The following IL17RA variants were observed in gnomAD, a reference collection of about 807,000 sequenced individuals.
IL17RA encodes interleukin 17 receptor A.
A neutral mutation model predicts 50.4 loss-of-function variants in IL17RA; 34 were observed. That is an observed-to-expected ratio of 0.67 (90% CI 0.51 to 0.90). The LOEUF (loss-of-function observed/expected upper bound fraction) is 0.90, where lower values mean the gene tolerates loss of function less well. Among genes scored for constraint, IL17RA ranks in the 40% least tolerant of loss-of-function variants. The pLI is 0.00. For missense variants in IL17RA, 1,276 were observed against 1,169.8 expected (o/e 1.09, Z -1.32); for synonymous variants, 585 against 510.4 (o/e 1.15, Z -1.97).
At chr22:17,100,612 A>G in intron 5 of IL17RA, 131 bp downstream of exon 5, 5 of 1,193,982 alleles carry the variant, frequency 4.2e-6, no homozygotes, top group Non-Finnish European at 6.1e-6. Context: ...GACCCACAGA[A>G]CAAACAGAGG....
At chr22:17,106,338 A>G (rs947217193) in intron 11 of IL17RA, among the ~76,000 whole-genome samples, 1 of 152,190 alleles carries the variant, frequency 6.6e-6, no homozygotes, top group Non-Finnish European at 1.5e-5. Context: ...AGTGAGGGTC[A>G]GCATCGGGTG....
At chr22:17,096,785 G>A (rs2061369752) in intron 1 of IL17RA, among the ~76,000 whole-genome samples, 1 of 151,824 alleles carries the variant, frequency 6.6e-6, no homozygotes, top group Non-Finnish European at 1.5e-5. Context: ...CAGGAGAATG[G>A]CGTGAACCCG....
In IL17RA at chr22:17,109,093, G is replaced by T; in HGVS notation, c.1874G>T (p.Arg625Leu). Residue 625 changes from arginine (R) to leucine (L), a missense_variant, in exon 13 of 13, where the codon CGC becomes CTC. Arg to Leu is a moderately radical substitution (Grantham distance 102). Coordinates refer to ENST00000319363, the MANE Select transcript of IL17RA (RefSeq NM_014339.7). ...ATCGTGAAGCGGGCGCCCCTGGTGC[G>T]CGAGCCTGGCTCCCAGGCCTGCCTG... is the stretch of plus-strand genomic sequence containing the variant. ...TGIVKRAPLV[R>L]EPGSQACLAI... The T allele has an allele frequency of 6.4e-7, 1 of 1,563,564 alleles. No homozygotes were observed. Among genetic ancestry groups the T allele is most frequent in the Non-Finnish European group, 8.6e-7 (1 of 1,163,144 alleles).
At position 17,109,512 on chromosome 22, in the gene IL17RA, CA is replaced by C; in HGVS notation, c.2294del (p.Gln765ArgfsTer72). 1.3e-6 allele frequency: 2 copies of C among 1,597,892 alleles called. No homozygotes were observed. Among genetic ancestry groups the C allele is most frequent in the South Asian group, 1.1e-5 (1 of 89,496 alleles). On this transcript the variant is annotated frameshift_variant, in exon 13 of 13. Coordinates refer to ENST00000319363, the MANE Select transcript of IL17RA (RefSeq NM_014339.7). LOFTEE classifies it low-confidence loss of function (END_TRUNC). ...LFEQSLSCQA[Q>X]GGCSRPAMVL... is the part of the protein sequence containing the mutation. ...CGAGCAGAGTCTGAGCTGCCAGGCC[CA>C]GGGGGGCTGCAGTAGACCCGCCATG...
intron 11 of IL17RA, 42 bp from the exon 12 acceptor site, chr22:17,107,681 TTCTC>T: frequency 6.4e-7 from 1 of 1,556,094 alleles, no homozygotes; most frequent in Non-Finnish European, 8.9e-7. Context: ...TGGTTTCTAT[TTCTC>T]TTCCCAAAGA....
intron 5 of IL17RA, 95 bp downstream of exon 5, chr22:17,100,576 C>A: frequency 6.8e-7 from 1 of 1,469,664 alleles, no homozygotes; most frequent in Non-Finnish European, 9.4e-7. Flanking sequence ...CTCAGCAAGA[C>A]ATTGGCTGGC....
At position 17,108,781 on chromosome 22, in the gene IL17RA, C is replaced by CGCGGA. The variant is rs758445070; in HGVS notation, c.1566_1567insAGCGG (p.Tyr523SerfsTer30). On this transcript the variant is annotated frameshift_variant, in exon 13 of 13. Transcript: ENST00000319363. LOFTEE classifies it low-confidence loss of function (END_TRUNC). ...GTCCCCGACCTGTTCGGCGCGGCGC[C>CGCGGA]GCGGTACCCGCTCATGGACAGGTTC... The CGCGGA allele has an allele frequency of 6.2e-7, 1 of 1,607,230 alleles. No homozygotes were observed. The highest frequency in any genetic ancestry group is 8.5e-7 in the Non-Finnish European group (1 of 1,177,084).
At chr22:17,096,314 A>G (rs1021646989) in intron 1 of IL17RA, among the ~76,000 whole-genome samples, 3 of 152,070 alleles carry the variant, frequency 2.0e-5, no homozygotes, top group African/African-American at 7.2e-5. Flanking sequence ...TGAGGATAAT[A>G]CCTCGTCACG....
At chr22:17,101,872 G>A in intron 5 of IL17RA, 124 bp from the exon 6 acceptor site, 3 of 1,209,182 alleles carry the variant, frequency 2.5e-6, no homozygotes, top group Non-Finnish European at 3.6e-6. Context: ...AGCTCACTCT[G>A]AAGGGGCCAC....
intron 1 of IL17RA, among the ~76,000 whole-genome samples, chr22:17,091,415 G>A (rs1243145367): frequency 1.3e-5 from 2 of 152,144 alleles, no homozygotes; most frequent in African/African-American, 4.8e-5. Context: ...CGTAGCTTAC[G>A]CCTATAATCC....
intron 4 of IL17RA, 113 bp from the exon 5 acceptor site, chr22:17,100,242 T>C: frequency 1.5e-6 from 2 of 1,323,524 alleles, no homozygotes; most frequent in Non-Finnish European, 1.1e-6. Context: ...TGTTGCTTTG[T>C]TCTTATTTTT....
chr22:17,105,601 G>GGGTAAGCTTGGAT lies in IL17RA; in HGVS notation c.943_943+12dup. On this transcript the variant is annotated frameshift_variant and splice_region_variant, in exon 10 of 13. Transcript: ENST00000319363. LOFTEE classifies it high-confidence loss of function. ...CTGTTCTCATTGCAGAACCAATTCC[G>GGGTAAGCTTGGAT]GGTAAGCTTGGATCTCTCTCCGACA... is the stretch of plus-strand genomic sequence containing the variant. 1 of 1,613,362 alleles carries GGGTAAGCTTGGAT rather than the reference G, an allele frequency of 6.2e-7. No homozygotes were observed. Among genetic ancestry groups the GGGTAAGCTTGGAT allele is most frequent in the Non-Finnish European group, 8.5e-7 (1 of 1,179,304 alleles).
At chr22:17,104,389 G>A (rs1311147323) in intron 8 of IL17RA, among the ~76,000 whole-genome samples, 1 of 150,522 alleles carries the variant, frequency 6.6e-6, no homozygotes, top group Non-Finnish European at 1.5e-5. Flanking sequence ...GCGTGCACAG[G>A]TGGAGAGTGT....
In IL17RA at chr22:17,104,729, C is replaced by T. The variant is rs387906913; in HGVS notation, c.850C>T (p.Gln284Ter). The change falls in exon 9 of 13, where the codon CAG (glutamine) becomes TAG (stop). Residue 284 changes from glutamine (Q) to a stop codon, truncating the protein, a stop_gained. Transcript: ENST00000319363. LOFTEE classifies it high-confidence loss of function. ...KGCCRHQVQI[Q>*]PFFSSCLNDC... ...TTCCTGCCCTCTCTGCCCGCAGATC[C>T]AGCCCTTCTTCAGCAGCTGCCTCAA... The T allele has an allele frequency of 6.2e-7, 1 of 1,614,072 alleles. No homozygotes were observed. The highest frequency in any genetic ancestry group is 1.3e-5 in the African/African-American group (1 of 75,036).
At chr22:17,085,637 G>A (rs1361838071) in intron 1 of IL17RA, among the ~76,000 whole-genome samples, 1 of 152,152 alleles carries the variant, frequency 6.6e-6, no homozygotes. Flanking sequence ...GGACGGGTCT[G>A]GACCCAGCTC....
intron 1 of IL17RA, among the ~76,000 whole-genome samples, chr22:17,087,427 C>G (rs894320089): frequency 1.3e-5 from 2 of 152,240 alleles, no homozygotes; most frequent in Admixed American, 6.5e-5. Flanking sequence ...ATTTAGCCTT[C>G]CATAACTATC....
chr22:17,108,541 C>G lies in IL17RA; in HGVS notation c.1322C>G (p.Ser441Cys), dbSNP rs753229386. The G allele has an allele frequency of 5.2e-5, 84 of 1,609,862 alleles. No individual in the cohort carries two copies. Among genetic ancestry groups the G allele is most frequent in the Non-Finnish European group, 6.6e-5 (78 of 1,180,006 alleles). Residue 441 changes from serine to cysteine, a missense_variant, in exon 13 of 13, where the codon TCT (serine) becomes TGT (cysteine). Coordinates refer to ENST00000319363, the MANE Select transcript of IL17RA (RefSeq NM_014339.7). The part of the protein sequence containing the change: ...RQKQEMVESN[S>C]KIIVLCSRGT... ...AAGCAGGAGATGGTGGAGAGCAACTCTAAGATCATCGTCCTGTGCTCCCGC... is the reference window on the plus strand; with the variant it reads ...AAGCAGGAGATGGTGGAGAGCAACTGTAAGATCATCGTCCTGTGCTCCCGC...
Position 17,111,738 on chromosome 22 carries a change from GCA to G in IL17RA, c.*1923_*1924del, listed in dbSNP as rs1034627808. ...CAGGACAGTTTGCATGTGTGTGTGC[GCA>G]CACATACATGTGCGTGAAAGATTAT... On this transcript the variant is annotated 3_prime_UTR_variant, in exon 13 of 13. Transcript: ENST00000319363. 6.6e-5 allele frequency: 10 copies of G among 152,170 alleles called. No individual in the cohort carries two copies. The highest frequency in any genetic ancestry group is 2.4e-4 in the African/African-American group (10 of 41,438). The allele number at this position is 152,170 out of a possible 1,614,324, so 9.4% of individuals were successfully genotyped here. A position where few individuals can be genotyped will look rare whatever the true frequency, so the allele number is the denominator to read the frequency against.
intron 2 of IL17RA, 91 bp from the exon 3 acceptor site, chr22:17,097,706 C>G: frequency 1.3e-6 from 2 of 1,522,808 alleles, no homozygotes; most frequent in Non-Finnish European, 1.8e-6. Flanking sequence ...GGCCCCTGAG[C>G]TGTTTGCTGT....
Sources: gnomAD v4.1 joint callset for allele counts (sites outside exome capture counted in the v4.1 genomes callset) on GRCh38, gnomAD v4.1.1 for gene constraint, MANE v1.5 for transcripts, NCBI Gene and HGNC (gene_info 2026-07-23, HGNC 2026-07-21) for gene names.